The following STK38L variants were observed in gnomAD, a reference collection of about 807,000 sequenced individuals.
STK38L encodes serine/threonine-protein kinase 38-like.
In STK38L, 28 loss-of-function variants were observed where a neutral mutation model predicts 59.7. That is an observed-to-expected ratio of 0.47 (90% CI 0.35 to 0.64). STK38L has a LOEUF of 0.64. STK38L is among the 30% of genes least tolerant of loss of function. STK38L has a pLI of 0.01. For synonymous variants in STK38L, 162 were observed against 176.8 expected (o/e 0.92, Z 0.66); for missense variants, 314 against 555.8 (o/e 0.56, Z 4.37).
chr12:27,246,534 T>C (rs1279081683), intron 1 of STK38L, among the ~76,000 whole-genome samples: 2 of 152,256 alleles, frequency 1.3e-5, no homozygotes, highest in Non-Finnish European at 2.9e-5. Context: ...ACTTGACATA[T>C]GCAGAAATTA....
At chr12:27,313,852 A>C (rs1944518920) in intron 6 of STK38L, among the ~76,000 whole-genome samples, 1 of 152,184 alleles carries the variant, frequency 6.6e-6, no homozygotes. Flanking sequence ...ATAATGTCCC[A>C]CTAAACTCTA....
At chr12:27,258,642 A>G (rs1457313681) in intron 1 of STK38L, among the ~76,000 whole-genome samples, 1 of 152,180 alleles carries the variant, frequency 6.6e-6, no homozygotes, top group Non-Finnish European at 1.5e-5. Flanking sequence ...TTGCTTTTTT[A>G]TGTATACAAC....
At chr12:27,262,901 C>T (rs1365778075) in intron 1 of STK38L, among the ~76,000 whole-genome samples, 2 of 151,016 alleles carry the variant, frequency 1.3e-5, no homozygotes, top group Non-Finnish European at 2.9e-5. Context: ...CGGGTTCAAG[C>T]GATTCTCCCA....
chr12:27,267,167 A>G (rs970504021), intron 1 of STK38L, among the ~76,000 whole-genome samples: 1 of 152,192 alleles, frequency 6.6e-6, no homozygotes, highest in Middle Eastern at 3.2e-3. Flanking sequence ...CCCATCATTC[A>G]TCTAAAGGGA....
chr12:27,282,399 AGAAT>A (rs1435971814), intron 1 of STK38L, among the ~76,000 whole-genome samples: 2 of 152,252 alleles, frequency 1.3e-5, no homozygotes, highest in Non-Finnish European at 2.9e-5. Flanking sequence ...TTGGAATCAA[AGAAT>A]GAATTTTTCA....
chr12:27,317,801 C>G, intron 10 of STK38L, 95 bp from the exon 11 acceptor site: 1 of 1,486,442 alleles, frequency 6.7e-7, no homozygotes, highest in South Asian at 1.3e-5. Context: ...ATAGAGCACT[C>G]AGGGTTGTTT....
chr12:27,250,575 A>G (rs1273924787), intron 1 of STK38L, among the ~76,000 whole-genome samples: 1 of 152,148 alleles, frequency 6.6e-6, no homozygotes, highest in Non-Finnish European at 1.5e-5. Context: ...CTTTATATAT[A>G]TTATCTCATT....
At chr12:27,317,289 T>C (rs1944609654) in intron 9 of STK38L, 47 bp from the exon 10 acceptor site, 3 of 1,372,500 alleles carry the variant, frequency 2.2e-6, no homozygotes, top group East Asian at 4.6e-5. Context: ...CAGATAGATA[T>C]TTTTTAAATG....
chr12:27,312,707 A>G, intron 6 of STK38L, 35 bp downstream of exon 6: 1 of 1,606,186 alleles, frequency 6.2e-7, no homozygotes, highest in Non-Finnish European at 8.5e-7. Context: ...ACAGACTGAT[A>G]CAAGCACATC....
At chr12:27,309,229 G>T in intron 5 of STK38L, 32 bp downstream of exon 5, 1 of 1,490,306 alleles carries the variant, frequency 6.7e-7, no homozygotes, top group South Asian at 1.2e-5. Flanking sequence ...TAATATAAAG[G>T]AGCATCCACT....
At chr12:27,251,618 C>T (rs1942977124) in intron 1 of STK38L, among the ~76,000 whole-genome samples, 1 of 152,194 alleles carries the variant, frequency 6.6e-6, no homozygotes, top group Non-Finnish European at 1.5e-5. Flanking sequence ...GTTGATGAGA[C>T]AAGGTTTTTG....
At chr12:27,275,342 CTTT>C (rs34162442) in intron 1 of STK38L, among the ~76,000 whole-genome samples, 3 of 124,750 alleles carry the variant, frequency 2.4e-5, no homozygotes, top group Admixed American at 8.9e-5. Flanking sequence ...TAGACTGCAT[CTTT>C]TTTTTTTTTT....
At chr12:27,252,055 C>T (rs1008171875) in intron 1 of STK38L, among the ~76,000 whole-genome samples, 14 of 152,138 alleles carry the variant, frequency 9.2e-5, no homozygotes, top group Non-Finnish European at 1.9e-4. Flanking sequence ...TCTCAGCTCA[C>T]TGCAAGCTCT....
At chr12:27,259,640 C>T (rs185615165) in intron 1 of STK38L, among the ~76,000 whole-genome samples, 40 of 152,152 alleles carry the variant, frequency 2.6e-4, no homozygotes, top group African/African-American at 9.2e-4. Context: ...GGGTTTCTTT[C>T]CCCCCCTTTT....
intron 3 of STK38L, among the ~76,000 whole-genome samples, chr12:27,306,638 G>A (rs949047690): frequency 2.6e-5 from 4 of 151,110 alleles, no homozygotes; most frequent in East Asian, 2.0e-4. Context: ...TTTTAGCTCC[G>A]TTAAAACTGA....
In STK38L at chr12:27,288,968, C is replaced by A. The variant is rs149837680; in HGVS notation, c.-11-8742C>A. The stretch of plus-strand genomic sequence containing the variant: ...CAGTAATAGAAACTGATTTAAAATT[C>A]TTTTAGGGATGCCCATACTATCTAA... On this transcript the variant is annotated intron_variant, in intron 1 of 13. Transcript: ENST00000389032. 4.0e-4 allele frequency among the ~76,000 whole-genome samples: 60 copies of A among 151,312 alleles called. No individual in the cohort carries two copies. The East Asian group carries it at 7.4e-3, about 19-fold the overall frequency.
intron 1 of STK38L, among the ~76,000 whole-genome samples, chr12:27,266,481 C>G (rs948843804): frequency 6.6e-5 from 10 of 152,200 alleles, no homozygotes; most frequent in Non-Finnish European, 1.2e-4. Context: ...CGCCATTACC[C>G]TAACAGTGGT....
chr12:27,293,913 T>A (rs114855379), intron 1 of STK38L, among the ~76,000 whole-genome samples: 46 of 152,368 alleles, frequency 3.0e-4, no homozygotes, highest in African/African-American at 1.0e-3. Flanking sequence ...CAAACCACTT[T>A]ATAAATTTTT....
chr12:27,292,922 T>C (rs931820429), intron 1 of STK38L, among the ~76,000 whole-genome samples: 1 of 152,214 alleles, frequency 6.6e-6, no homozygotes, highest in African/African-American at 2.4e-5. Context: ...TGACCTCATA[T>C]GTATTTCTAT....
Sources: gnomAD v4.1 joint callset for allele counts (sites outside exome capture counted in the v4.1 genomes callset) on GRCh38, gnomAD v4.1.1 for gene constraint, MANE v1.5 for transcripts, NCBI Gene and HGNC (gene_info 2026-07-23, HGNC 2026-07-21) for gene names.